LMF1: variants seen among roughly 807,000 people sequenced by gnomAD.
The protein encoded by LMF1 is lipase maturation factor 1, also known as transmembrane protein 112.
Under a neutral mutation model 60.6 loss-of-function variants are expected in LMF1, and 68 were observed. The ratio of observed to expected loss-of-function variants is 1.12; its 90% CI spans 0.92 to 1.37. The LOEUF (loss-of-function observed/expected upper bound fraction) is 1.37. Among genes scored for constraint, LMF1 ranks in the 40% most tolerant of loss-of-function variants. LMF1 has a pLI of 0.00. For synonymous variants in LMF1, 418 were observed against 324.7 expected (o/e 1.29, Z -3.09); for missense variants, 948 against 767.2 (o/e 1.24, Z -2.78).
At chr16:913,045 G>A (rs935199421) in intron 3 of LMF1, among the ~76,000 whole-genome samples, 1 of 152,210 alleles carries the variant, frequency 6.6e-6, no homozygotes, top group Non-Finnish European at 1.5e-5. Context: ...TGCCACTGCC[G>A]GGGAGAGGAG....
At chr16:893,374 G>A in intron 4 of LMF1, 1 of 517,960 alleles carries the variant, frequency 1.9e-6, no homozygotes, top group Non-Finnish European at 3.7e-6. Flanking sequence ...CGCTACAGAA[G>A]TTGCGTGTCT....
intron 2 of LMF1, among the ~76,000 whole-genome samples, chr16:951,323 C>A (rs938452257): frequency 1.4e-4 from 22 of 152,166 alleles, no homozygotes; most frequent in Middle Eastern, 3.4e-3. Context: ...GAGTCAGAGA[C>A]AACGACAAAG....
exon 1 of LMF1, chr16:981,175 G>A (rs1309754142): frequency 1.5e-5 from 7 of 454,394 alleles, no homozygotes; most frequent in Non-Finnish European, 2.7e-5. Flanking sequence ...GACTCTGGAC[G>A]AGCTGGGCCT....
intron 10 of LMF1, among the ~76,000 whole-genome samples, chr16:859,122 G>A (rs1308372597): frequency 3.0e-5 from 4 of 132,848 alleles, no homozygotes; most frequent in Non-Finnish European, 6.2e-5. Flanking sequence ...GTCTCGGGAC[G>A]GGTGTGCACT....
chr16:887,594 C>A (rs1040069257), intron 5 of LMF1, among the ~76,000 whole-genome samples: 2 of 152,200 alleles, frequency 1.3e-5, no homozygotes, highest in Non-Finnish European at 1.5e-5. Flanking sequence ...CTCCCACCCA[C>A]GCCTGGAGGC....
At position 953,503 on chromosome 16, in the gene LMF1, C is replaced by T. The variant is rs1219962180; in HGVS notation, c.503+854G>A. On this transcript the variant is annotated intron_variant, in intron 2 of 10. Transcript: ENST00000262301. Reference sequence around the variant, plus strand: ...CACCCCAAACCAGCCTCCTGCACGTCCACACAGACACCCCAAACCAGCCTC... The same window carrying T: ...CACCCCAAACCAGCCTCCTGCACGTTCACACAGACACCCCAAACCAGCCTC... Among the ~76,000 whole-genome samples, 15 of 2,318 alleles carry T rather than the reference C, an allele frequency of 6.5e-3. 7 individuals carry two copies. The highest frequency in any genetic ancestry group is 0.12 in the East Asian group (2 of 16). The allele number at this position is 2,318 out of a possible 152,430, so 1.5% of individuals were successfully genotyped here. A position where few individuals can be genotyped will look rare whatever the true frequency, so the allele number is the denominator to read the frequency against.
At chr16:904,344 C>T (rs28581879) in intron 4 of LMF1, among the ~76,000 whole-genome samples, 1 of 111,036 alleles carries the variant, frequency 9.0e-6, no homozygotes, top group Non-Finnish European at 1.9e-5. Context: ...GTGGTGACCT[C>T]TGCATCGCCC....
intron 1 of LMF1, among the ~76,000 whole-genome samples, chr16:969,678 A>G (rs1252740956): frequency 1.3e-5 from 2 of 152,236 alleles, no homozygotes; most frequent in African/African-American, 4.8e-5. Context: ...GCCCGGGGCC[A>G]GCAGCTCCGG....
At chr16:976,900 C>T (rs961787891) in intron 1 of LMF1, 20 of 454,142 alleles carry the variant, frequency 4.4e-5, no homozygotes, top group Admixed American at 4.2e-4. Flanking sequence ...CTCCCGCCAG[C>T]GCGGGTTCAC....
At chr16:881,894 G>T (rs886467355) in intron 5 of LMF1, among the ~76,000 whole-genome samples, 1 of 152,222 alleles carries the variant, frequency 6.6e-6, no homozygotes, top group Non-Finnish European at 1.5e-5. Flanking sequence ...CTGCTGACGT[G>T]TGTCGGCTGA....
chr16:861,476 GCCT>G (rs2151688600), intron 10 of LMF1, among the ~76,000 whole-genome samples: 1 of 148,598 alleles, frequency 6.7e-6, no homozygotes, highest in South Asian at 2.1e-4. Context: ...TCCTACCTCA[GCCT>G]CCTGAGTAGC....
intron 4 of LMF1, chr16:902,393 A>G (rs2070838181): frequency 1.3e-5 from 2 of 153,006 alleles, no homozygotes; most frequent in Non-Finnish European, 2.9e-5. Flanking sequence ...CTGAGGGAAC[A>G]CAGCGTCCCC....
chr16:970,759 C>A (rs771803044), intron 1 of LMF1, 29 bp downstream of exon 1: 90 of 1,500,742 alleles, frequency 6.0e-5, no homozygotes, highest in Middle Eastern at 1.7e-4. Context: ...GTGACACTGG[C>A]GGATGTCCCG....
At position 955,199 on chromosome 16, in the gene LMF1, A is replaced by G. The variant is rs1313455460; in HGVS notation, c.194-533T>C. On this transcript the variant is annotated intron_variant, in intron 1 of 10. Coordinates refer to ENST00000262301, the MANE Select transcript of LMF1 (RefSeq NM_022773.4). ...TGCATACACACACACACATCTAAGTAAACTAGACAAGTTACATAAAAGGCG... is the reference window on the plus strand; with the variant it reads ...TGCATACACACACACACATCTAAGTGAACTAGACAAGTTACATAAAAGGCG... Among the ~76,000 whole-genome samples, 32 of 116,638 alleles carry G rather than the reference A, an allele frequency of 2.7e-4. 7 individuals carry two copies. Among genetic ancestry groups the G allele is most frequent in the African/African-American group, 1.1e-3 (28 of 25,834 alleles). The allele number at this position is 116,638 out of a possible 152,430, so 76.5% of individuals were successfully genotyped here. A position where few individuals can be genotyped will look rare whatever the true frequency, so the allele number is the denominator to read the frequency against.
upstream of LMF1, chr16:975,665 C>T (rs186922271): frequency 9.7e-4 from 375 of 388,438 alleles, 3 homozygotes; most frequent in African/African-American, 6.8e-3. Context: ...AAGCACGCTC[C>T]CTGCTCCCAC....
At chr16:876,903 G>C (rs367797246) in intron 6 of LMF1, among the ~76,000 whole-genome samples, 2 of 152,212 alleles carry the variant, frequency 1.3e-5, no homozygotes, top group South Asian at 2.1e-4. Context: ...AAAGAACAAA[G>C]AGAAAAACAC....
rs938147742 is a variant in LMF1, at chr16:874,708, G to A, written c.898-3367C>T. Among the ~76,000 whole-genome samples, 8 of 151,974 alleles carry A rather than the reference G, an allele frequency of 5.3e-5. No individual in the cohort carries two copies. Among genetic ancestry groups the A allele is most frequent in the Admixed American group, 1.3e-4 (2 of 15,276 alleles). ...GGACGGTGCTCAGATGGGAACACAC[G>A]GAACCAGGACGGGATCCGGGGAGGC... On this transcript the variant is annotated intron_variant, in intron 6 of 10. Coordinates refer to ENST00000262301, the MANE Select transcript of LMF1 (RefSeq NM_022773.4). This position sits in a 1 kb window ranked among gnomAD's most constrained non-coding sequence, Gnocchi z 4.1.
chr16:873,006 G>C (rs1404342011), intron 6 of LMF1: 2 of 152,372 alleles, frequency 1.3e-5, no homozygotes, highest in East Asian at 1.9e-4. Context: ...GGGAACTCTA[G>C]CCTCAGGGAA....
In LMF1 at chr16:878,874, A is replaced by G. The variant is rs1310290834; in HGVS notation, c.897+696T>C. Among the ~76,000 whole-genome samples the G allele has an allele frequency of 1.3e-5, 2 of 152,208 alleles. No homozygotes were observed. The highest frequency in any genetic ancestry group is 4.8e-5 in the African/African-American group (2 of 41,448). On this transcript the variant is annotated intron_variant, in intron 6 of 10. Transcript: ENST00000262301. This position sits in a 1 kb window ranked among gnomAD's most constrained non-coding sequence, Gnocchi z 5.2. ...TGTATGTTACACCTCCATTGAAACA[A>G]TCGAGAGAGAGAACCACCTTTAAAA...
Sources: allele counts gnomAD v4.1 joint callset (sites outside exome capture counted in the v4.1 genomes callset), GRCh38; gene constraint gnomAD v4.1.1; non-coding constraint Gnocchi (gnomAD v3.1); transcripts MANE v1.5; gene names NCBI Gene and HGNC (gene_info 2026-07-23, HGNC 2026-07-21).